CCDC60: variants seen among roughly 807,000 people sequenced by gnomAD.
CCDC60 encodes coiled-coil domain-containing protein 60.
A neutral mutation model predicts 63.5 loss-of-function variants in CCDC60; 54 were observed. The ratio of observed to expected loss-of-function variants is 0.85; its 90% CI spans 0.68 to 1.07. The LOEUF is 1.07. Among genes scored for constraint, CCDC60 ranks in the 50% least tolerant of loss-of-function variants. CCDC60 has a pLI of 0.00. For missense variants in CCDC60, 651 were observed against 684.3 expected (o/e 0.95, Z 0.54); for synonymous variants, 206 against 238.8 (o/e 0.86, Z 1.27).
At chr12:119,345,775 A>G (rs1342432947) in intron 1 of CCDC60, among the ~76,000 whole-genome samples, 2 of 151,816 alleles carry the variant, frequency 1.3e-5, no homozygotes, top group African/African-American at 2.4e-5. Context: ...CTCTCTCACT[A>G]TCTGGCTGTA....
chr12:119,494,434 A>C (rs1452095118), intron 5 of CCDC60, among the ~76,000 whole-genome samples: 1 of 152,182 alleles, frequency 6.6e-6, no homozygotes, highest in Non-Finnish European at 1.5e-5. Flanking sequence ...GGGGCAGTAC[A>C]GTTGTCTACG....
In CCDC60 at chr12:119,531,089, C is replaced by T. The variant is rs112441540; in HGVS notation, c.1551+26C>T. 6.2e-6 allele frequency: 10 copies of T among 1,600,248 alleles called. No individual in the cohort carries two copies. The African/African-American group carries it at 9.4e-5, about 15-fold the overall frequency. On this transcript the variant is annotated intron_variant, in intron 13 of 13. Transcript: ENST00000327554. ...GTAAACACCACCTCCTTCCCCTCCA[C>T]AGTGTTTCAGGTGTCCTCATTCAAT... is the stretch of plus-strand genomic sequence containing the variant.
chr12:119,480,347 C>T (rs1032916153), intron 4 of CCDC60, among the ~76,000 whole-genome samples: 2 of 152,150 alleles, frequency 1.3e-5, no homozygotes, highest in East Asian at 3.9e-4. Context: ...GGTCTGACTG[C>T]AAAGCCCAAG....
intron 1 of CCDC60, among the ~76,000 whole-genome samples, chr12:119,399,736 C>A (rs1956353984): frequency 6.6e-6 from 1 of 152,168 alleles, no homozygotes; most frequent in Non-Finnish European, 1.5e-5. Context: ...CTCAGCCCTC[C>A]CACATCGCAC....
At chr12:119,343,345 T>C (rs1955551333) in intron 1 of CCDC60, among the ~76,000 whole-genome samples, 1 of 152,134 alleles carries the variant, frequency 6.6e-6, no homozygotes, top group African/African-American at 2.4e-5. Flanking sequence ...TCGGGGTTTC[T>C]GGATTTCACT....
intron 9 of CCDC60, 138 bp from the exon 10 acceptor site, chr12:119,522,801 T>G: frequency 1.3e-6 from 1 of 778,206 alleles, no homozygotes; most frequent in Non-Finnish European, 2.3e-6. Context: ...ATTCATAGAG[T>G]TCTGTGACTG....
chr12:119,517,690 T>C (rs1445695899), intron 8 of CCDC60, among the ~76,000 whole-genome samples: 1 of 152,112 alleles, frequency 6.6e-6, no homozygotes, highest in East Asian at 1.9e-4. Context: ...GGAACTGAAA[T>C]GCAGCCAAAA....
chr12:119,522,478 G>A (rs896427933), intron 9 of CCDC60, among the ~76,000 whole-genome samples: 1 of 152,220 alleles, frequency 6.6e-6, no homozygotes, highest in Non-Finnish European at 1.5e-5. Flanking sequence ...GGTAAAATGG[G>A]TGTTGGGCTT....
At chr12:119,355,128 C>T (rs904356556) in intron 1 of CCDC60, among the ~76,000 whole-genome samples, 1 of 152,138 alleles carries the variant, frequency 6.6e-6, no homozygotes, top group Non-Finnish European at 1.5e-5. Context: ...AAAGACAGTG[C>T]CTACTTTTAA....
chr12:119,450,596 C>T (rs1950612150), intron 2 of CCDC60, among the ~76,000 whole-genome samples: 1 of 152,094 alleles, frequency 6.6e-6, no homozygotes, highest in African/African-American at 2.4e-5. Flanking sequence ...CAGTGGCTCA[C>T]GCCTGTAATC....
chr12:119,472,235 A>G, intron 3 of CCDC60, 71 bp downstream of exon 3: 3 of 1,409,092 alleles, frequency 2.1e-6, no homozygotes, highest in Non-Finnish European at 3.0e-6. Flanking sequence ...CTGCCTGGTA[A>G]GGTCAAGCGA....
intron 1 of CCDC60, among the ~76,000 whole-genome samples, chr12:119,352,765 C>T (rs963667236): frequency 1.3e-5 from 2 of 151,918 alleles, no homozygotes; most frequent in East Asian, 1.9e-4. Flanking sequence ...GGTGAAACCC[C>T]GTCTCTACTA....
intron 8 of CCDC60, among the ~76,000 whole-genome samples, chr12:119,517,313 C>T (rs1952381950): frequency 6.6e-6 from 1 of 152,120 alleles, no homozygotes; most frequent in Admixed American, 6.5e-5. Flanking sequence ...ATTTCTAATT[C>T]CAAAAACCAT....
At chr12:119,342,704 GA>G (rs1955545103) in intron 1 of CCDC60, among the ~76,000 whole-genome samples, 2 of 152,192 alleles carry the variant, frequency 1.3e-5, no homozygotes, top group Non-Finnish European at 2.9e-5. Flanking sequence ...GAGTTCCAAG[GA>G]TAGGCCAAGC....
intron 1 of CCDC60, among the ~76,000 whole-genome samples, chr12:119,363,412 G>A (rs1955810748): frequency 7.7e-6 from 1 of 129,864 alleles, no homozygotes; most frequent in Non-Finnish European, 1.6e-5. Flanking sequence ...TATAGTCTAG[G>A]TATGAGTCCT....
intron 5 of CCDC60, among the ~76,000 whole-genome samples, chr12:119,497,011 GCTCTACTCTGTAGTTA>G (rs1281916797): frequency 3.3e-5 from 5 of 152,138 alleles, no homozygotes; most frequent in Non-Finnish European, 5.9e-5. Context: ...CAACAGGGAG[GCTCTACTCTGTAGTTA>G]CTCAGGGACT....
Position 119,488,846 on chromosome 12 carries a change from G to C in CCDC60, c.537G>C (p.Val179=). ...IDHTHHTMKP[V]ITCWNPKDPG... is the part of the protein sequence containing the mutation. The stretch of plus-strand genomic sequence containing the variant: ...ACACCCACCACACCATGAAGCCTGT[G>C]ATCACCTGCTGGAACCCAAAGTATG... The change falls in exon 5 of 14, where the codon GTG becomes GTC. Residue 179 remains valine (V), a synonymous_variant. Transcript: ENST00000327554. 8 of 1,614,148 alleles carry C rather than the reference G, an allele frequency of 5.0e-6. No homozygotes were observed. Among genetic ancestry groups the C allele is most frequent in the Non-Finnish European group, 6.8e-6 (8 of 1,179,992 alleles).
Position 119,507,557 on chromosome 12 carries a change from TA to T in CCDC60, c.883+2255del, listed in dbSNP as rs1566050122. ...ATATATACACATATATATACATATA[TA>T]TATATATATATGTATATATACACAT... On this transcript the variant is annotated intron_variant, in intron 7 of 13. Coordinates refer to ENST00000327554, the MANE Select transcript of CCDC60 (RefSeq NM_178499.5). 6.8e-4 allele frequency among the ~76,000 whole-genome samples: 50 copies of T among 73,188 alleles called. 1 individual carries two copies. The highest frequency in any genetic ancestry group is 9.2e-4 in the Non-Finnish European group (41 of 44,722). The allele number at this position is 73,188 out of a possible 152,430, so 48.0% of individuals were successfully genotyped here. A position where few individuals can be genotyped will look rare whatever the true frequency, so the allele number is the denominator to read the frequency against.
At position 119,428,677 on chromosome 12, in the gene CCDC60, C is replaced by T. The variant is rs746683420; in HGVS notation, c.91-6C>T. The T allele has an allele frequency of 2.5e-6, 4 of 1,582,148 alleles. No homozygotes were observed. The highest frequency in any genetic ancestry group is 2.3e-5 in the South Asian group (2 of 88,222). On this transcript the variant is annotated splice_region_variant and splice_polypyrimidine_tract_variant and intron_variant, in intron 1 of 13. Transcript: ENST00000327554. ...CTTTTATTTTAACCCCTTGTCTTCTCATCAGGTCCCAGACAAGCCAATGAA... is the reference window on the plus strand; with the variant it reads ...CTTTTATTTTAACCCCTTGTCTTCTTATCAGGTCCCAGACAAGCCAATGAA...
Sources: allele counts gnomAD v4.1 joint callset (sites outside exome capture counted in the v4.1 genomes callset), GRCh38; gene constraint gnomAD v4.1.1; transcripts MANE v1.5; gene names NCBI Gene and HGNC (gene_info 2026-07-23, HGNC 2026-07-21).